Variants in CTNNA3 observed in about 807,000 individuals in gnomAD.
CTNNA3 encodes catenin alpha 3, also known as catenin alpha-3.
Under a neutral mutation model 95.7 loss-of-function variants are expected in CTNNA3, and 76 were observed. That is an observed-to-expected ratio of 0.79 (90% CI 0.66 to 0.96). CTNNA3 has a LOEUF of 0.96. Among genes scored for constraint, CTNNA3 ranks in the 40% least tolerant of loss-of-function variants. The pLI is 0.00. For synonymous variants in CTNNA3, 431 were observed against 374.4 expected, an observed-to-expected ratio of 1.15 and a Z score of -1.74; for missense variants, 1,191 against 1,089.8, an observed-to-expected ratio of 1.09 and a Z score of -1.31.
intron 11 of CTNNA3, among the ~76,000 whole-genome samples, chr10:66,391,168 C>A (rs1440944644): frequency 6.6e-6 from 1 of 152,044 alleles, no homozygotes; most frequent in Non-Finnish European, 1.5e-5. Context: ...CGCTTTTAGA[C>A]AGCTCGAATT....
At chr10:67,207,269 ACT>A (rs1196898081) in intron 6 of CTNNA3, among the ~76,000 whole-genome samples, 1 of 152,146 alleles carries the variant, frequency 6.6e-6, no homozygotes, top group African/African-American at 2.4e-5. Flanking sequence ...CAGCCTAATA[ACT>A]CTCATAATTC....
At chr10:66,251,567 C>T (rs1223458193) in intron 13 of CTNNA3, among the ~76,000 whole-genome samples, 2 of 151,944 alleles carry the variant, frequency 1.3e-5, no homozygotes, top group Non-Finnish European at 2.9e-5. Flanking sequence ...TCTTGTAATC[C>T]AGAAATTCCA....
chr10:67,170,737 A>G (rs974009491), intron 7 of CTNNA3, among the ~76,000 whole-genome samples: 1 of 152,188 alleles, frequency 6.6e-6, no homozygotes, highest in African/African-American at 2.4e-5. Flanking sequence ...TTACCTATGT[A>G]ATAAACCTTC....
intron 17 of CTNNA3, among the ~76,000 whole-genome samples, chr10:65,932,140 CA>C (rs761795052): frequency 9.2e-5 from 14 of 152,150 alleles, no homozygotes; most frequent in Non-Finnish European, 1.5e-4. Context: ...CAAATTCAAA[CA>C]AATTCTTTCT....
At chr10:67,726,407 TCATA>T (rs1841219124) in intron 1 of CTNNA3, among the ~76,000 whole-genome samples, 1 of 71,480 alleles carries the variant, frequency 1.4e-5, no homozygotes, top group Non-Finnish European at 2.2e-5. Flanking sequence ...ATATATTATA[TCATA>T]TATAATATTA....
chr10:66,839,941 T>C (rs1425918590), intron 7 of CTNNA3, among the ~76,000 whole-genome samples: 2 of 152,154 alleles, frequency 1.3e-5, no homozygotes, highest in Non-Finnish European at 1.5e-5. Context: ...GAAATTTAGA[T>C]GTTTGAAGTA....
intron 2 of CTNNA3, among the ~76,000 whole-genome samples, chr10:67,607,763 G>A (rs1564779239): frequency 6.6e-6 from 1 of 152,158 alleles, no homozygotes. Context: ...AAAATAGGAA[G>A]GAAGTGGGAG....
intron 1 of CTNNA3, among the ~76,000 whole-genome samples, chr10:67,732,615 C>T (rs1488530461): frequency 6.6e-6 from 1 of 152,152 alleles, no homozygotes; most frequent in Admixed American, 6.5e-5. Context: ...AATCTCACTA[C>T]ATATTTAGTT....
At chr10:66,176,942 C>A (rs1324339013) in intron 13 of CTNNA3, among the ~76,000 whole-genome samples, 1 of 151,174 alleles carries the variant, frequency 6.6e-6, no homozygotes, top group East Asian at 1.9e-4. Context: ...TAGGAAACTG[C>A]AAATAGTTTC....
chr10:66,251,272 T>G (rs1192619765), intron 13 of CTNNA3, among the ~76,000 whole-genome samples: 1 of 150,830 alleles, frequency 6.6e-6, no homozygotes, highest in Non-Finnish European at 1.5e-5. Flanking sequence ...TTTGTATTCA[T>G]GAAGCAATAC....
At chr10:67,239,581 G>A (rs1210558663) in intron 5 of CTNNA3, among the ~76,000 whole-genome samples, 2 of 152,058 alleles carry the variant, frequency 1.3e-5, no homozygotes, top group Non-Finnish European at 2.9e-5. Flanking sequence ...AATGTGTTTA[G>A]TTTGGAAAAA....
chr10:66,445,403 AATTGACCAC>A (rs1265147859), intron 11 of CTNNA3, among the ~76,000 whole-genome samples: 1 of 152,100 alleles, frequency 6.6e-6, no homozygotes, highest in African/African-American at 2.4e-5. Flanking sequence ...CCTATTCCAA[AATTGACCAC>A]ATAGTTGGAA....
chr10:67,582,595 T>C (rs914186327), intron 3 of CTNNA3, among the ~76,000 whole-genome samples: 4 of 152,014 alleles, frequency 2.6e-5, no homozygotes, highest in Non-Finnish European at 5.9e-5. Context: ...CAGAGCTGAG[T>C]TCAATTCCTG....
intron 11 of CTNNA3, among the ~76,000 whole-genome samples, chr10:66,516,688 A>T (rs1840870780): frequency 2.0e-5 from 3 of 152,190 alleles, no homozygotes; most frequent in Admixed American, 6.5e-5. Context: ...TCATCTTGGA[A>T]ATCTAATTTT....
intron 9 of CTNNA3, among the ~76,000 whole-genome samples, chr10:66,758,280 T>G (rs894317069): frequency 1.3e-5 from 2 of 152,226 alleles, no homozygotes; most frequent in African/African-American, 4.8e-5. Flanking sequence ...TAGTGATTTG[T>G]TAAAAGCACT....
intron 15 of CTNNA3, among the ~76,000 whole-genome samples, chr10:65,990,942 G>A (rs1055895429): frequency 1.3e-5 from 2 of 152,004 alleles, no homozygotes; most frequent in Non-Finnish European, 2.9e-5. Context: ...TTTTGTATAT[G>A]GTGAGAGATA....
chr10:66,704,600 T>C (rs1039657237), intron 9 of CTNNA3, among the ~76,000 whole-genome samples: 5 of 152,092 alleles, frequency 3.3e-5, no homozygotes, highest in Non-Finnish European at 7.4e-5. Flanking sequence ...TTAAGAAAGA[T>C]ATATTTCATA....
chr10:66,428,901 A>T (rs1289999208), intron 11 of CTNNA3, among the ~76,000 whole-genome samples: 4 of 152,190 alleles, frequency 2.6e-5, no homozygotes, highest in African/African-American at 9.6e-5. Flanking sequence ...AATAACTAAG[A>T]TCAGAGCAGA....
chr10:66,254,305 T>G (rs2090673958), intron 13 of CTNNA3, among the ~76,000 whole-genome samples: 1 of 152,168 alleles, frequency 6.6e-6, no homozygotes, highest in South Asian at 2.1e-4. Flanking sequence ...TCCCAAAACT[T>G]TGTAAGTAAC....
Sources: allele counts gnomAD v4.1 joint callset (sites outside exome capture counted in the v4.1 genomes callset), GRCh38; gene constraint gnomAD v4.1.1; transcripts MANE v1.5; gene names NCBI Gene and HGNC (gene_info 2026-07-23, HGNC 2026-07-21).